DYNLL1: variants seen among roughly 807,000 people sequenced by gnomAD.
DYNLL1 encodes dynein light chain 1, cytoplasmic.
DYNLL1 carries 3 observed loss-of-function variants against 10.1 expected under a neutral mutation model. The observed-to-expected ratio is 0.30, with a 90% CI of 0.14 to 0.77. The LOEUF (loss-of-function observed/expected upper bound fraction) is 0.77. DYNLL1 is among the 30% of genes least tolerant of loss of function. The probability of loss-of-function intolerance (pLI) is 0.66; values close to 1 mark genes in which losing one functional copy is unlikely to be tolerated. For missense variants in DYNLL1, 47 were observed against 111.7 expected (o/e 0.42, Z 2.61); for synonymous variants, 46 against 41.2 (o/e 1.12, Z -0.45).
chr12:120,474,350 T>C (rs1878710474), intron 1 of DYNLL1, among the ~76,000 whole-genome samples: 1 of 151,926 alleles, frequency 6.6e-6, no homozygotes, highest in South Asian at 2.1e-4. Flanking sequence ...GCCTTTGATG[T>C]TGGCAGACTA....
At chr12:120,473,692 C>CAAAAAAAAAAAAAAAAAAAAAAAAAAAA (rs1227211097) in intron 1 of DYNLL1, among the ~76,000 whole-genome samples, 1 of 75,448 alleles carries the variant, frequency 1.3e-5, no homozygotes, top group Admixed American at 1.6e-4. Context: ...GACTCTGTCT[C>CAAAAAAAAAAAAAAAAAAAAAAAAAAAA]AAAAAAAAAA....
At chr12:120,481,349 C>G (rs1192163112) in intron 1 of DYNLL1, among the ~76,000 whole-genome samples, 3 of 152,174 alleles carry the variant, frequency 2.0e-5, no homozygotes, top group Non-Finnish European at 4.4e-5. Context: ...AAGTTAAGGA[C>G]TGAGTCCCAC....
At chr12:120,484,631 T>C (rs1279677627) in intron 1 of DYNLL1, among the ~76,000 whole-genome samples, 1 of 152,242 alleles carries the variant, frequency 6.6e-6, no homozygotes, top group Admixed American at 6.5e-5. Context: ...AAGATTATTT[T>C]TATCTTTGAA....
At chr12:120,489,219 C>T (rs1455852028) in intron 1 of DYNLL1, among the ~76,000 whole-genome samples, 2 of 152,212 alleles carry the variant, frequency 1.3e-5, no homozygotes, top group African/African-American at 4.8e-5. Flanking sequence ...GCTGATGACT[C>T]TCCAAATTAT....
chr12:120,493,770 C>G (rs557782125), upstream of DYNLL1: 34 of 149,930 alleles, frequency 2.3e-4, no homozygotes, highest in African/African-American at 8.0e-4. Context: ...CACCACCACG[C>G]CCGGCTAATT....
intron 1 of DYNLL1, among the ~76,000 whole-genome samples, chr12:120,471,633 C>T (rs1878653303): frequency 6.6e-6 from 1 of 151,814 alleles, no homozygotes; most frequent in Admixed American, 6.6e-5. Context: ...TGTTTTGAGA[C>T]GGAGTCTTAC....
intron 1 of DYNLL1, among the ~76,000 whole-genome samples, chr12:120,484,469 GT>G (rs1878949295): frequency 6.6e-6 from 1 of 152,108 alleles, no homozygotes; most frequent in Admixed American, 6.5e-5. Context: ...AAAAAAGCCT[GT>G]TATATGCCGG....
chr12:120,481,767 G>T (rs1459804637), intron 1 of DYNLL1, among the ~76,000 whole-genome samples: 1 of 152,262 alleles, frequency 6.6e-6, no homozygotes, highest in Non-Finnish European at 1.5e-5. Context: ...GGAGCTGAAA[G>T]TTTCCATCTC....
upstream of DYNLL1, among the ~76,000 whole-genome samples, chr12:120,494,407 G>A (rs1242311026): frequency 6.6e-6 from 1 of 151,634 alleles, no homozygotes; most frequent in Non-Finnish European, 1.5e-5. Context: ...CTCCTGAGTA[G>A]GTGGGATTAC....
At chr12:120,495,029 G>GT (rs1565925037), upstream of DYNLL1, among the ~76,000 whole-genome samples, 2 of 152,132 alleles carry the variant, frequency 1.3e-5, no homozygotes, top group African/African-American at 4.8e-5. Context: ...GCTAACAAGC[G>GT]TATGAACTGG....
chr12:120,496,251 T>G (rs576380944), intron 1 of DYNLL1, 35 bp downstream of exon 1: 4 of 1,012,462 alleles, frequency 4.0e-6, no homozygotes, highest in Non-Finnish European at 5.7e-6. Flanking sequence ...GTGTCCTCGC[T>G]GCCTTATTTC....
intron 1 of DYNLL1, among the ~76,000 whole-genome samples, chr12:120,477,078 T>C (rs1338373434): frequency 6.6e-6 from 1 of 151,834 alleles, no homozygotes; most frequent in Non-Finnish European, 1.5e-5. Context: ...TACAGGCACC[T>C]GCCACCACAC....
chr12:120,480,426 C>G (rs1194802396), intron 1 of DYNLL1, among the ~76,000 whole-genome samples: 1 of 152,196 alleles, frequency 6.6e-6, no homozygotes, highest in African/African-American at 2.4e-5. Context: ...ACCATCTCCA[C>G]ACCCTCACCT....
intron 1 of DYNLL1, among the ~76,000 whole-genome samples, chr12:120,480,945 G>A (rs1878867878): frequency 6.6e-6 from 1 of 151,920 alleles, no homozygotes; most frequent in African/African-American, 2.4e-5. Context: ...ATTTTTAGTA[G>A]ACATGGGGTT....
Position 120,496,113 on chromosome 12 carries a change from AG to A in DYNLL1, c.-109del. ...GGCGGCGGCTGGCGTGGGGCTGCTT[AG>A]ATGCGCCACGGTTTCGGTAGCGACG... On this transcript the variant is annotated 5_prime_UTR_variant, in exon 1 of 3. Coordinates refer to ENST00000242577, the MANE Select transcript of DYNLL1 (RefSeq NM_003746.3). 2.1e-6 allele frequency: 1 copy of A among 479,392 alleles called. No individual in the cohort carries two copies. The highest frequency in any genetic ancestry group is 3.8e-6 in the Non-Finnish European group (1 of 265,154). 29.7% of individuals were successfully genotyped at this position (479,392 alleles called of 1,614,324 possible).
chr12:120,473,220 G>A (rs1878686502), intron 1 of DYNLL1, among the ~76,000 whole-genome samples: 1 of 152,118 alleles, frequency 6.6e-6, no homozygotes, highest in African/African-American at 2.4e-5. Context: ...GAGTCTTGAA[G>A]AACCAGTAGG....
At chr12:120,475,190 T>C (rs1268956749) in intron 1 of DYNLL1, among the ~76,000 whole-genome samples, 1 of 152,234 alleles carries the variant, frequency 6.6e-6, no homozygotes, top group African/African-American at 2.4e-5. Flanking sequence ...TCAATAACTT[T>C]TAGATAATGA....
At chr12:120,473,532 T>G (rs1301984809) in intron 1 of DYNLL1, among the ~76,000 whole-genome samples, 1 of 151,048 alleles carries the variant, frequency 6.6e-6, no homozygotes, top group East Asian at 1.9e-4. Context: ...TCATCTTTAC[T>G]AAAAACACAA....
intron 2 of DYNLL1, chr12:120,496,818 A>G: frequency 1.7e-6 from 1 of 601,830 alleles, no homozygotes; most frequent in East Asian, 2.8e-5. Context: ...AAGATCAGGG[A>G]GCAGCGGTTC....
Sources: allele counts gnomAD v4.1 joint callset (sites outside exome capture counted in the v4.1 genomes callset), GRCh38; gene constraint gnomAD v4.1.1; transcripts MANE v1.5; gene names NCBI Gene and HGNC (gene_info 2026-07-23, HGNC 2026-07-21).